The following THOC1 variants were observed in gnomAD, a reference collection of about 807,000 sequenced individuals.
THOC1 encodes the protein THO complex subunit 1, also known as THO complex 1.
THOC1 carries 29 observed loss-of-function variants against 97.3 expected under a neutral mutation model. The ratio of observed to expected loss-of-function variants is 0.30; its 90% CI spans 0.22 to 0.41. THOC1 has a LOEUF of 0.41. THOC1 is among the 10% of genes least tolerant of loss of function. The pLI, the probability that THOC1 is intolerant of heterozygous loss-of-function variation, is 1.00. For synonymous variants in THOC1, 255 were observed against 257.0 expected (o/e 0.99, Z 0.07); for missense variants, 529 against 761.9 (o/e 0.69, Z 3.60).
intron 17 of THOC1, among the ~76,000 whole-genome samples, chr18:222,998 G>C (rs1911144107): frequency 6.6e-6 from 1 of 151,834 alleles, no homozygotes; most frequent in Admixed American, 6.6e-5. Flanking sequence ...TTCTAACTCT[G>C]CTCCTTCTGT....
intron 6 of THOC1, among the ~76,000 whole-genome samples, 178 bp downstream of exon 6, chr18:259,504 T>C (rs1278380968): frequency 3.3e-5 from 5 of 152,116 alleles, no homozygotes; most frequent in Non-Finnish European, 7.4e-5. Flanking sequence ...TTTAAGCTTA[T>C]GCCCAGAACA....
intron 7 of THOC1, among the ~76,000 whole-genome samples, chr18:255,593 T>C (rs2143283222): frequency 6.6e-6 from 1 of 152,352 alleles, no homozygotes; most frequent in South Asian, 2.1e-4. Flanking sequence ...CGTAACATAA[T>C]AGTGCAAGGT....
At position 216,073 on chromosome 18, in the gene THOC1, C is replaced by T. The variant is rs1598284907; in HGVS notation, c.1602+413G>A. 2.4e-5 allele frequency: 4 copies of T among 164,138 alleles called. No individual in the cohort carries two copies. The South Asian group carries it at 6.8e-4, about 28-fold the overall frequency. 10.2% of individuals were successfully genotyped at this position (164,138 alleles called of 1,614,324 possible). A position where few individuals can be genotyped will look rare whatever the true frequency, so the allele number is the denominator to read the frequency against. ...GGTTCAAGCAATTCCCTTGCCTCAG[C>T]CTCTTGAGTAGCTGGGACTACAGGC... On this transcript the variant is annotated intron_variant, in intron 19 of 20. Coordinates refer to ENST00000261600, the MANE Select transcript of THOC1 (RefSeq NM_005131.3).
intron 11 of THOC1, among the ~76,000 whole-genome samples, chr18:243,343 T>A (rs2143239139): frequency 6.6e-6 from 1 of 152,296 alleles, no homozygotes; most frequent in South Asian, 2.1e-4. Flanking sequence ...AAAGCATCAA[T>A]CCCATATTCC....
In THOC1 at chr18:215,517, A is replaced by G. The variant is rs1033953718; in HGVS notation, c.1603-13T>C. The G allele has an allele frequency of 6.2e-7, 1 of 1,605,540 alleles. No individual in the cohort carries two copies. On this transcript the variant is annotated splice_polypyrimidine_tract_variant and intron_variant, in intron 19 of 20. Transcript: ENST00000261600. Reference sequence around the variant, plus strand: ...CTTCAGAAGGAGGCTAAAAATGAGAAAGAAGAATGTTTGAAAGAATGCCAG... The same window carrying G: ...CTTCAGAAGGAGGCTAAAAATGAGAGAGAAGAATGTTTGAAAGAATGCCAG...
intron 18 of THOC1, among the ~76,000 whole-genome samples, chr18:217,360 A>G (rs191807850): frequency 2.6e-5 from 4 of 152,360 alleles, no homozygotes; most frequent in Non-Finnish European, 4.4e-5. Context: ...ATATCTGTTT[A>G]GACAATTTGA....
intron 17 of THOC1, among the ~76,000 whole-genome samples, chr18:222,188 CAT>C (rs1249364841): frequency 6.6e-6 from 1 of 152,166 alleles, no homozygotes; most frequent in Non-Finnish European, 1.5e-5. Context: ...TCTTGTCTTA[CAT>C]GTCACTTTTA....
chr18:230,163 A>C (rs1327202128), intron 11 of THOC1, among the ~76,000 whole-genome samples: 3 of 152,124 alleles, frequency 2.0e-5, no homozygotes, highest in African/African-American at 7.2e-5. Flanking sequence ...ATTCAATGAG[A>C]GGCTCCAACA....
chr18:215,602 A>C (rs1382488899), intron 19 of THOC1, 98 bp from the exon 20 acceptor site: 4 of 938,628 alleles, frequency 4.3e-6, no homozygotes, highest in Non-Finnish European at 6.7e-6. Context: ...GATTCCAAGT[A>C]CAGGGTGCCA....
Position 242,455 on chromosome 18 carries a change from A to C in THOC1, c.918+3869T>G, listed in dbSNP as rs1911940283. 6.6e-6 allele frequency among the ~76,000 whole-genome samples: 1 copy of C among 152,138 alleles called. No homozygotes were observed. The highest frequency in any genetic ancestry group is 1.5e-5 in the Non-Finnish European group (1 of 68,022). ...AAAAAAGTGTCTCAAAAAAAAAAAA[A>C]AAGTTTGTATCATCCTTGCCAAGCA... On this transcript the variant is annotated intron_variant, in intron 11 of 20. Transcript: ENST00000261600. This position sits in a 1 kb window ranked among gnomAD's most constrained non-coding sequence, Gnocchi z 4.5.
In THOC1 at chr18:223,505, A is replaced by C; in HGVS notation, c.1305T>G (p.Asn435Lys). ...KGPTKKILMG[N>K]EELTRLWNLC... ...GATTCCAAAGCCTTGTTAACTCCTC[A>C]CTACAAAATAGACACAGAAATAAAT... The change falls in exon 17 of 21, where the codon AAT becomes AAG. Residue 435 changes from asparagine to lysine, a missense_variant and splice_region_variant. Transcript: ENST00000261600. 6.4e-7 allele frequency: 1 copy of C among 1,556,216 alleles called. No individual in the cohort carries two copies. Among genetic ancestry groups the C allele is most frequent in the Non-Finnish European group, 8.7e-7 (1 of 1,148,936 alleles).
In THOC1 at chr18:267,958, C is replaced by G; in HGVS notation, c.54+8G>C. The G allele has an allele frequency of 2.5e-6, 4 of 1,611,530 alleles. No individual in the cohort carries two copies. The highest frequency in any genetic ancestry group is 3.4e-6 in the Non-Finnish European group (4 of 1,179,002). On this transcript the variant is annotated splice_region_variant and intron_variant, in intron 1 of 20. Coordinates refer to ENST00000261600, the MANE Select transcript of THOC1 (RefSeq NM_005131.3). Reference sequence around the variant, plus strand: ...GGTCAGGCCTGCACCCTCCCCTCTACAGCTCACCGTAAACCGCGTCCGCGC... The same window carrying G: ...GGTCAGGCCTGCACCCTCCCCTCTAGAGCTCACCGTAAACCGCGTCCGCGC...
At chr18:234,784 G>T (rs762378645) in intron 11 of THOC1, among the ~76,000 whole-genome samples, 144 of 152,022 alleles carry the variant, frequency 9.5e-4, no homozygotes, top group Non-Finnish European at 1.7e-3. Flanking sequence ...TACTTAATTT[G>T]TGAGTTTGTA....
chr18:238,419 A>G (rs1224850470), intron 11 of THOC1, among the ~76,000 whole-genome samples: 1 of 152,214 alleles, frequency 6.6e-6, no homozygotes, highest in African/African-American at 2.4e-5. Context: ...CTACAGGGAT[A>G]CATTCTAAGA....
In THOC1 at chr18:256,489, A is replaced by T. The variant is rs146845307; in HGVS notation, c.521-2134T>A. Among the ~76,000 whole-genome samples the T allele has an allele frequency of 2.2e-3, 336 of 152,324 alleles. 2 individuals are homozygous for T. The highest frequency in any genetic ancestry group is 7.8e-3 in the African/African-American group (325 of 41,574). On this transcript the variant is annotated intron_variant, in intron 7 of 20. Coordinates refer to ENST00000261600, the MANE Select transcript of THOC1 (RefSeq NM_005131.3). Reference sequence around the variant, plus strand: ...AGAATTGCTGCAATCTCATGATTGGACTTGAAACAGATGAGGAGTTGCTTC... The same window carrying T: ...AGAATTGCTGCAATCTCATGATTGGTCTTGAAACAGATGAGGAGTTGCTTC...
rs1443687171 is a variant in THOC1 at position 216,638 on chromosome 18, A to G, written c.1455-5T>C. ...TAATTTGAATTGTTCACAGCCCTAT[A>G]AAAAGAGGTGTCAGGCTTGTAATTT... is the stretch of plus-strand genomic sequence containing the variant. On this transcript the variant is annotated splice_polypyrimidine_tract_variant and splice_region_variant and intron_variant, in intron 18 of 20. Coordinates refer to ENST00000261600, the MANE Select transcript of THOC1 (RefSeq NM_005131.3). 6.2e-7 allele frequency: 1 copy of G among 1,609,580 alleles called. No individual in the cohort carries two copies. The highest frequency in any genetic ancestry group is 1.1e-5 in the South Asian group (1 of 90,096).
intron 17 of THOC1, among the ~76,000 whole-genome samples, chr18:222,104 T>C (rs967441170): frequency 1.3e-5 from 2 of 152,236 alleles, no homozygotes; most frequent in African/African-American, 4.8e-5. Flanking sequence ...AAAAATTACA[T>C]ATTCCATTTC....
At chr18:246,811 G>A (rs563647165) in intron 10 of THOC1, among the ~76,000 whole-genome samples, 7 of 148,314 alleles carry the variant, frequency 4.7e-5, no homozygotes, top group East Asian at 4.1e-4. Context: ...ACCCCGTCTC[G>A]ACTAAAAATA....
chr18:250,667 A>C (rs1218240409), intron 9 of THOC1, among the ~76,000 whole-genome samples: 1 of 152,236 alleles, frequency 6.6e-6, no homozygotes, highest in Non-Finnish European at 1.5e-5. Flanking sequence ...TGTAAATTAC[A>C]GTGCCTAAGA....
Sources: allele counts gnomAD v4.1 joint callset (sites outside exome capture counted in the v4.1 genomes callset), GRCh38; gene constraint gnomAD v4.1.1; non-coding constraint Gnocchi (gnomAD v3.1); transcripts MANE v1.5; gene names NCBI Gene and HGNC (gene_info 2026-07-23, HGNC 2026-07-21).